The following VWF variants were observed in gnomAD, a reference collection of about 807,000 sequenced individuals.
The protein encoded by VWF is Factor VIII related antigen.
VWF carries 176 observed loss-of-function variants against 308.6 expected under a neutral mutation model. The ratio of observed to expected loss-of-function variants is 0.57; its 90% CI spans 0.50 to 0.65. VWF has a LOEUF of 0.65. Ranked by LOEUF, VWF falls within the 30% of genes least tolerant of loss-of-function variation. The pLI is 0.00. For missense variants in VWF, 3,146 were observed against 3,648.2 expected (o/e 0.86, Z 3.55); for synonymous variants, 1,385 against 1,443.4 (o/e 0.96, Z 0.92).
intron 5 of VWF, among the ~76,000 whole-genome samples, chr12:6,108,368 A>ACAC (rs1565393069): frequency 4.3e-5 from 4 of 92,616 alleles, no homozygotes; most frequent in Non-Finnish European, 1.1e-4. Context: ...CACACACACA[A>ACAC]AGCAAAATTT....
Position 6,072,432 on chromosome 12 carries a change from G to A in VWF, c.1008C>T (p.Leu336=). The A allele has an allele frequency of 1.2e-6, 2 of 1,614,042 alleles. No individual in the cohort carries two copies. Among genetic ancestry groups the A allele is most frequent in the Non-Finnish European group, 1.7e-6 (2 of 1,179,994 alleles). Residue 336 remains leucine (L), a synonymous_variant, in exon 9 of 52, where the codon CTC becomes CTT. Transcript: ENST00000261405. ...VDGCSCPEGQ[L]LDEGLCVEST... is the part of the protein sequence containing the mutation. ...TCTCCACGCAGAGGCCTTCATCCAG[G>A]AGCTGTCCCTCTGGGGTCAAGGGCA...
At chr12:5,987,194 C>A (rs988647358) in intron 38 of VWF, among the ~76,000 whole-genome samples, 3 of 152,190 alleles carry the variant, frequency 2.0e-5, no homozygotes, top group African/African-American at 7.2e-5. Flanking sequence ...TCCCAAAGTG[C>A]TGGGATTACA....
At chr12:5,967,690 AC>A in intron 46 of VWF, 88 bp from the exon 47 acceptor site, 1 of 1,154,646 alleles carries the variant, frequency 8.7e-7, no homozygotes, top group Non-Finnish European at 1.3e-6. Context: ...CTGCCCACCC[AC>A]CCATAGCTCC....
At chr12:6,079,417 T>A (rs1012966712) in intron 6 of VWF, among the ~76,000 whole-genome samples, 7 of 151,792 alleles carry the variant, frequency 4.6e-5, no homozygotes, top group Admixed American at 1.3e-4. Context: ...CCATCCTGGC[T>A]AACACGGTGA....
intron 38 of VWF, among the ~76,000 whole-genome samples, chr12:5,991,167 T>TCACACACACA (rs201361783): frequency 1.6e-4 from 22 of 134,884 alleles, no homozygotes; most frequent in Non-Finnish European, 2.7e-4. Flanking sequence ...CAAGGGATTC[T>TCACACACACA]CACACACACA....
intron 6 of VWF, among the ~76,000 whole-genome samples, chr12:6,083,325 C>T (rs540317950): frequency 6.6e-6 from 1 of 152,316 alleles, no homozygotes; most frequent in Non-Finnish European, 1.5e-5. Context: ...GATCCCAGCA[C>T]TTTTGGAGGC....
intron 20 of VWF, 35 bp from the exon 21 acceptor site, chr12:6,031,613 T>C: frequency 6.2e-7 from 1 of 1,613,662 alleles, no homozygotes; most frequent in Admixed American, 1.7e-5. Context: ...AAGACCATTA[T>C]CCCCACTGGC....
At chr12:5,968,299 C>T (rs1036001415) in intron 45 of VWF, 132 bp from the exon 46 acceptor site, 9 of 1,102,602 alleles carry the variant, frequency 8.2e-6, no homozygotes, top group Admixed American at 4.1e-5. Flanking sequence ...CCTTTCCCCC[C>T]ACCCCACAAC....
chr12:5,958,945 G>C (rs1943281089), intron 47 of VWF, among the ~76,000 whole-genome samples: 1 of 152,120 alleles, frequency 6.6e-6, no homozygotes, highest in African/African-American at 2.4e-5. Context: ...GCTGGGTGCG[G>C]TGGCTCACAC....
At chr12:6,117,445 T>C (rs1945380750) in intron 3 of VWF, among the ~76,000 whole-genome samples, 1 of 152,228 alleles carries the variant, frequency 6.6e-6, no homozygotes, top group Admixed American at 6.5e-5. Context: ...TGTCTCTGCA[T>C]GGCGATTCCA....
At chr12:6,065,551 G>A (rs1045655289) in intron 10 of VWF, among the ~76,000 whole-genome samples, 10 of 152,204 alleles carry the variant, frequency 6.6e-5, no homozygotes, top group South Asian at 2.1e-4. Context: ...GTGGAACCAC[G>A]CAGGAACCCA....
chr12:6,057,831 G>GC lies in VWF; in HGVS notation c.1729+17dup, dbSNP rs778525689. 2.5e-6 allele frequency: 4 copies of GC among 1,594,512 alleles called. No homozygotes were observed. The highest frequency in any genetic ancestry group is 1.3e-5 in the African/African-American group (1 of 74,450). On this transcript the variant is annotated intron_variant, in intron 14 of 51. Transcript: ENST00000261405. The stretch of plus-strand genomic sequence containing the variant: ...CGAGATTCTGCGAGGTCCCTGCCTT[G>GC]CCCCCGGGTTCACATACTCATGCGC...
rs775506247 is a variant in VWF, at chr12:5,949,161, C to T, written c.8296G>A (p.Asp2766Asn). 54 of 1,614,112 alleles carry T rather than the reference C, an allele frequency of 3.3e-5. No individual in the cohort carries two copies. The highest frequency in any genetic ancestry group is 4.2e-5 in the Non-Finnish European group (49 of 1,180,048). ...SKAMYSIDINDVQDQCSCCSP... is the reference protein window; with the variant it reads ...SKAMYSIDINNVQDQCSCCSP... ...CAGCAGGAGCACTGGTCCTGCACATCGTTGATGTCAATGGAGTACATGGCT... is the reference window on the plus strand; with the variant it reads ...CAGCAGGAGCACTGGTCCTGCACATTGTTGATGTCAATGGAGTACATGGCT... The change falls in exon 52 of 52, where the codon GAT (aspartate) becomes AAT (asparagine). Residue 2766 changes from aspartate (D) to asparagine (N), a missense_variant. Physicochemically the swap from Asp to Asn is conservative, Grantham distance 23 (BLOSUM62 1). Coordinates refer to ENST00000261405, the MANE Select transcript of VWF (RefSeq NM_000552.5).
At chr12:6,084,133 G>A (rs781472258) in intron 6 of VWF, among the ~76,000 whole-genome samples, 30 of 152,244 alleles carry the variant, frequency 2.0e-4, no homozygotes, top group Non-Finnish European at 4.0e-4. Context: ...ACAGACAGCA[G>A]TACTTGGACC....
chr12:6,109,776 A>G (rs1340632826), intron 5 of VWF, among the ~76,000 whole-genome samples: 6 of 151,994 alleles, frequency 3.9e-5, no homozygotes, highest in Admixed American at 1.3e-4. Flanking sequence ...TCAGCCTCCC[A>G]AGTAGCTGGA....
intron 14 of VWF, 138 bp from the exon 15 acceptor site, chr12:6,057,210 C>T: frequency 4.3e-6 from 3 of 697,534 alleles, no homozygotes; most frequent in Non-Finnish European, 4.6e-6. Flanking sequence ...CTGCAAATGC[C>T]ACCCCCACCC....
chr12:6,056,116 C>T (rs1269764620), intron 15 of VWF, among the ~76,000 whole-genome samples: 1 of 148,996 alleles, frequency 6.7e-6, no homozygotes, highest in Non-Finnish European at 1.5e-5. Flanking sequence ...CTTGGTTTTC[C>T]CTGCCCTGAA....
At chr12:5,969,413 CCAACAAGCTGGGGCAGGGCTGG>C in intron 44 of VWF, 22 bp from the exon 45 acceptor site, 1 of 1,614,012 alleles carries the variant, frequency 6.2e-7, no homozygotes, top group Non-Finnish European at 8.5e-7. Flanking sequence ...CAGAGTTAGT[CCAACAAGCTGGGGCAGGGCTGG>C]AGCCCAGGGT....
intron 5 of VWF, chr12:6,095,976 G>T (rs1945101598): frequency 3.0e-6 from 1 of 337,850 alleles, no homozygotes; most frequent in Non-Finnish European, 5.8e-6. Context: ...CAGGCTCTAG[G>T]TCTGTTTTTA....
Sources: gnomAD v4.1 joint callset for allele counts (sites outside exome capture counted in the v4.1 genomes callset) on GRCh38, gnomAD v4.1.1 for gene constraint, MANE v1.5 for transcripts, NCBI Gene and HGNC (gene_info 2026-07-23, HGNC 2026-07-21) for gene names.